The following CNBD1 variants were observed in gnomAD, a reference collection of about 807,000 sequenced individuals.
The protein encoded by CNBD1 is cyclic nucleotide binding domain containing 1, also known as cyclic nucleotide-binding domain-containing protein 1.
In CNBD1, 71 loss-of-function variants were observed where a neutral mutation model predicts 54.4. That is an observed-to-expected ratio of 1.30 (90% CI 1.08 to 1.59). The LOEUF is 1.59. Among genes scored for constraint, CNBD1 ranks in the 40% most tolerant of loss-of-function variants. The pLI is 0.00. For missense variants in CNBD1, 659 were observed against 518.0 expected (o/e 1.27, Z -2.64); for synonymous variants, 182 against 170.7 (o/e 1.07, Z -0.51).
chr8:87,361,608 T>A (rs1810525174), intron 10 of CNBD1, among the ~76,000 whole-genome samples: 1 of 151,368 alleles, frequency 6.6e-6, no homozygotes, highest in African/African-American at 2.4e-5. Flanking sequence ...TATAGGAAAT[T>A]TACTCAAAGT....
chr8:87,077,571 C>T (rs1810900773), intron 4 of CNBD1, among the ~76,000 whole-genome samples: 1 of 125,914 alleles, frequency 7.9e-6, no homozygotes, highest in Non-Finnish European at 1.6e-5. Flanking sequence ...TCCCCCATCC[C>T]TCTACCGCAT....
intron 8 of CNBD1, among the ~76,000 whole-genome samples, chr8:87,315,217 A>T (rs955062625): frequency 2.0e-5 from 3 of 152,178 alleles, no homozygotes; most frequent in Non-Finnish European, 4.4e-5. Context: ...TTAGACAAAT[A>T]GTGAATAGAG....
intron 2 of CNBD1, among the ~76,000 whole-genome samples, chr8:87,421,579 T>C (rs1429466283): frequency 6.6e-6 from 1 of 152,052 alleles, no homozygotes; most frequent in Admixed American, 6.6e-5. Context: ...TCCGATTTCA[T>C]CCATGTCCCT....
intron 1 of CNBD1, among the ~76,000 whole-genome samples, chr8:86,883,313 G>C (rs868169777): frequency 8.5e-5 from 13 of 152,168 alleles, no homozygotes; most frequent in African/African-American, 2.4e-4. Flanking sequence ...GTGAAGTTTT[G>C]GTTATCTTGA....
chr8:86,878,253 A>G (rs927021405), intron 1 of CNBD1, among the ~76,000 whole-genome samples: 18 of 152,032 alleles, frequency 1.2e-4, no homozygotes, highest in African/African-American at 3.9e-4. Context: ...CTTAGAGCAT[A>G]TTGTGCTTAG....
intron 4 of CNBD1, among the ~76,000 whole-genome samples, chr8:86,987,748 A>G (rs1245654592): frequency 1.3e-5 from 2 of 152,056 alleles, no homozygotes; most frequent in South Asian, 2.1e-4. Context: ...TTCTGTGTCT[A>G]TTGAGAATAA....
intron 4 of CNBD1, among the ~76,000 whole-genome samples, chr8:87,090,597 A>G (rs562253281): frequency 4.3e-4 from 66 of 152,066 alleles, no homozygotes; most frequent in Non-Finnish European, 2.4e-4. Context: ...TCCAAAAGCT[A>G]TCTTCATTTG....
At chr8:87,190,841 ATATAGATACATGTACC>A (rs1813586053) in intron 4 of CNBD1, among the ~76,000 whole-genome samples, 1 of 150,810 alleles carries the variant, frequency 6.6e-6, no homozygotes, top group African/African-American at 2.4e-5. Context: ...ACATATGTAG[ATATAGATACATGTACC>A]TATATCTAAA....
At chr8:86,879,135 G>T (rs1021799935) in intron 1 of CNBD1, among the ~76,000 whole-genome samples, 1 of 151,758 alleles carries the variant, frequency 6.6e-6, no homozygotes, top group Non-Finnish European at 1.5e-5. Context: ...TTCTTGATTT[G>T]ATTTTCATTG....
intron 4 of CNBD1, among the ~76,000 whole-genome samples, chr8:87,072,592 C>G (rs905569014): frequency 7.3e-6 from 1 of 137,502 alleles, no homozygotes; most frequent in African/African-American, 2.5e-5. Context: ...ATATGAACTT[C>G]TGGATTGGAA....
intron 4 of CNBD1, among the ~76,000 whole-genome samples, chr8:87,179,028 C>A (rs1326605660): frequency 6.6e-6 from 1 of 152,136 alleles, no homozygotes; most frequent in South Asian, 2.1e-4. Flanking sequence ...CTGCCTCAGC[C>A]TCCCAAGTAG....
intron 5 of CNBD1, among the ~76,000 whole-genome samples, chr8:87,235,821 A>T (rs79404054): frequency 6.6e-6 from 1 of 152,164 alleles, no homozygotes; most frequent in Non-Finnish European, 1.5e-5. Flanking sequence ...AAAAAATGCC[A>T]TATCTGTGAA....
At chr8:87,246,032 A>G (rs2130834372) in intron 6 of CNBD1, among the ~76,000 whole-genome samples, 1 of 152,108 alleles carries the variant, frequency 6.6e-6, no homozygotes, top group South Asian at 2.1e-4. Flanking sequence ...TGCCTATTTT[A>G]TCTTCATAAA....
At chr8:87,387,955 T>A (rs1312604076) in intron 2 of CNBD1, among the ~76,000 whole-genome samples, 5 of 152,128 alleles carry the variant, frequency 3.3e-5, no homozygotes, top group African/African-American at 1.2e-4. Flanking sequence ...AGAAACTGAC[T>A]CAAAACCGCT....
intron 8 of CNBD1, among the ~76,000 whole-genome samples, chr8:87,316,326 A>G (rs1192694561): frequency 6.6e-6 from 1 of 151,994 alleles, no homozygotes; most frequent in Non-Finnish European, 1.5e-5. Flanking sequence ...GTCTAAGTCA[A>G]TTTAACTTAT....
intron 4 of CNBD1, among the ~76,000 whole-genome samples, chr8:87,107,773 C>A (rs1408696277): frequency 6.6e-6 from 1 of 152,122 alleles, no homozygotes; most frequent in Non-Finnish European, 1.5e-5. Context: ...AGTATCTGAC[C>A]AATGGCACTA....
At chr8:87,375,442 G>C (rs1810905832) in intron 10 of CNBD1, among the ~76,000 whole-genome samples, 1 of 151,560 alleles carries the variant, frequency 6.6e-6, no homozygotes, top group Non-Finnish European at 1.5e-5. Context: ...AGAGTTAATA[G>C]AACAAGGCTT....
At chr8:87,390,118 A>C (rs899993115) in intron 2 of CNBD1, among the ~76,000 whole-genome samples, 4 of 151,482 alleles carry the variant, frequency 2.6e-5, no homozygotes, top group Non-Finnish European at 5.9e-5. Flanking sequence ...TAAAGACTTA[A>C]ACGTTAGACC....
chr8:87,330,465 A>G (rs1809801270), intron 8 of CNBD1, among the ~76,000 whole-genome samples: 2 of 151,820 alleles, frequency 1.3e-5, no homozygotes, highest in African/African-American at 4.8e-5. Context: ...GCTGCATCTT[A>G]TACATTTTGA....
Sources: allele counts gnomAD v4.1 joint callset (sites outside exome capture counted in the v4.1 genomes callset), GRCh38; gene constraint gnomAD v4.1.1; transcripts MANE v1.5; gene names NCBI Gene and HGNC (gene_info 2026-07-23, HGNC 2026-07-21).